NCAM2: variants seen among roughly 807,000 people sequenced by gnomAD.
NCAM2 encodes N-CAM-2.
NCAM2 carries 30 observed loss-of-function variants against 98.1 expected under a neutral mutation model. That is an observed-to-expected ratio of 0.31 (90% confidence interval 0.23 to 0.41). The LOEUF is 0.41. NCAM2 is among the 10% of genes least tolerant of loss of function. The probability of loss-of-function intolerance (pLI) is 1.00; values close to 1 mark genes in which losing one functional copy is unlikely to be tolerated. For synonymous variants in NCAM2, 368 were observed against 342.4 expected, an observed-to-expected ratio of 1.07 and a Z score of -0.83; for missense variants, 867 against 1,005.8, an observed-to-expected ratio of 0.86 and a Z score of 1.87.
chr21:21,274,160 T>A (rs1486660876), intron 1 of NCAM2, among the ~76,000 whole-genome samples: 2 of 147,954 alleles, frequency 1.4e-5, no homozygotes, highest in African/African-American at 5.1e-5. Flanking sequence ...AGCTAAACTC[T>A]GTCTGAAAAA....
intron 1 of NCAM2, among the ~76,000 whole-genome samples, chr21:21,019,009 G>T (rs1014829300): frequency 1.3e-5 from 2 of 152,228 alleles, no homozygotes; most frequent in Non-Finnish European, 2.9e-5. Flanking sequence ...TGGCTGAATG[G>T]TTGGATGCTA....
At chr21:21,271,588 G>A (rs965282801) in intron 1 of NCAM2, among the ~76,000 whole-genome samples, 5 of 152,074 alleles carry the variant, frequency 3.3e-5, no homozygotes, top group Non-Finnish European at 7.4e-5. Flanking sequence ...CTAAGAAAAA[G>A]TATTACAGAA....
intron 8 of NCAM2, among the ~76,000 whole-genome samples, chr21:21,359,370 T>C (rs1295502065): frequency 2.6e-5 from 4 of 152,118 alleles, no homozygotes; most frequent in Non-Finnish European, 5.9e-5. Flanking sequence ...TTTACAACTT[T>C]CTGAAATCTT....
At chr21:21,393,434 C>T (rs966810782) in intron 9 of NCAM2, among the ~76,000 whole-genome samples, 7 of 152,058 alleles carry the variant, frequency 4.6e-5, no homozygotes, top group South Asian at 4.1e-4. Context: ...AATGCTAAAA[C>T]GGTTGTCCTG....
chr21:21,092,639 G>T (rs2066036368), intron 1 of NCAM2, among the ~76,000 whole-genome samples: 1 of 145,540 alleles, frequency 6.9e-6, no homozygotes, highest in Non-Finnish European at 1.5e-5. Context: ...TTTCTAAGTG[G>T]AAAACAAAAT....
intron 5 of NCAM2, among the ~76,000 whole-genome samples, chr21:21,309,737 G>A (rs754094159): frequency 6.6e-6 from 1 of 152,040 alleles, no homozygotes; most frequent in Non-Finnish European, 1.5e-5. Context: ...CACTACCTCC[G>A]CACTCAGAGA....
At chr21:21,531,556 A>T (rs1345636191) in intron 16 of NCAM2, among the ~76,000 whole-genome samples, 6 of 152,028 alleles carry the variant, frequency 3.9e-5, no homozygotes, top group African/African-American at 1.2e-4. Context: ...TCCCTTAAAC[A>T]TTATGCTATG....
chr21:21,482,856 G>A (rs931025754), intron 15 of NCAM2, among the ~76,000 whole-genome samples: 20 of 151,478 alleles, frequency 1.3e-4, no homozygotes, highest in African/African-American at 3.4e-4. Context: ...ATAATCAATC[G>A]TGTTCCTTTT....
chr21:21,346,555 T>G (rs2147917460), intron 8 of NCAM2, among the ~76,000 whole-genome samples: 1 of 152,180 alleles, frequency 6.6e-6, no homozygotes, highest in Non-Finnish European at 1.5e-5. Flanking sequence ...TTATAGAACA[T>G]TTCATCCAAT....
chr21:21,248,848 CT>C (rs1353180180), intron 1 of NCAM2, among the ~76,000 whole-genome samples: 1 of 136,354 alleles, frequency 7.3e-6, no homozygotes, highest in Non-Finnish European at 1.6e-5. Context: ...TGGCAAAGTG[CT>C]TTGCTCTCAC....
chr21:21,095,889 C>T (rs986056374), intron 1 of NCAM2, among the ~76,000 whole-genome samples: 9 of 151,480 alleles, frequency 5.9e-5, no homozygotes, highest in Non-Finnish European at 1.0e-4. Flanking sequence ...GCAGAGGAAC[C>T]GTTAAGGGTT....
At chr21:21,314,726 C>T (rs1367047634) in intron 5 of NCAM2, among the ~76,000 whole-genome samples, 1 of 149,662 alleles carries the variant, frequency 6.7e-6, no homozygotes, top group East Asian at 1.9e-4. Context: ...TTTGATAACT[C>T]TCTCTGTCAA....
intron 1 of NCAM2, among the ~76,000 whole-genome samples, chr21:21,033,975 G>T (rs1287430069): frequency 6.6e-6 from 1 of 150,862 alleles, no homozygotes; most frequent in Admixed American, 6.6e-5. Context: ...TTATTTTCAG[G>T]AAGTTTTACA....
chr21:21,213,876 G>C (rs905354849), intron 1 of NCAM2, among the ~76,000 whole-genome samples: 1 of 152,036 alleles, frequency 6.6e-6, no homozygotes, highest in African/African-American at 2.4e-5. Context: ...GTGACAGGAG[G>C]ATGTTCCAGG....
At chr21:21,286,638 G>A (rs115273233) in intron 4 of NCAM2, among the ~76,000 whole-genome samples, 2,575 of 151,714 alleles carry the variant, frequency 0.017, 71 homozygotes, top group African/African-American at 0.059. Context: ...AGTTATGCCC[G>A]TTCACCACAT....
chr21:21,139,499 T>G (rs2067124504), intron 1 of NCAM2, among the ~76,000 whole-genome samples: 2 of 152,232 alleles, frequency 1.3e-5, no homozygotes, highest in African/African-American at 4.8e-5. Flanking sequence ...ATGCATTTTG[T>G]TTTCTTTATA....
intron 1 of NCAM2, among the ~76,000 whole-genome samples, chr21:21,072,894 G>A (rs1333923444): frequency 6.6e-6 from 1 of 151,934 alleles, no homozygotes; most frequent in African/African-American, 2.4e-5. Flanking sequence ...TATTCACAAT[G>A]TTGTGTGACC....
intron 1 of NCAM2, among the ~76,000 whole-genome samples, chr21:21,128,883 C>T (rs2066880727): frequency 1.3e-5 from 2 of 151,950 alleles, no homozygotes; most frequent in African/African-American, 4.8e-5. Flanking sequence ...TAGAAGACAT[C>T]AGAAAATAAT....
chr21:21,377,953 G>A (rs1460905883), intron 9 of NCAM2, among the ~76,000 whole-genome samples: 2 of 151,834 alleles, frequency 1.3e-5, no homozygotes, highest in Admixed American at 1.3e-4. Context: ...TTTGTGTTTG[G>A]CTTATTTAAC....
Sources: gnomAD v4.1 joint callset for allele counts (sites outside exome capture counted in the v4.1 genomes callset) on GRCh38, gnomAD v4.1.1 for gene constraint, MANE v1.5 for transcripts, NCBI Gene and HGNC (gene_info 2026-07-23, HGNC 2026-07-21) for gene names.